RPL3L: variants seen among roughly 807,000 people sequenced by gnomAD.
RPL3L encodes ribosomal protein L3 like, also known as ribosomal protein uL3-like.
A neutral mutation model predicts 44.5 loss-of-function variants in RPL3L; 44 were observed. The observed-to-expected ratio is 0.99, with a 90% CI of 0.78 to 1.27. The LOEUF is 1.27. Ranked by LOEUF, RPL3L falls within the 50% of genes most tolerant of loss-of-function variation. The pLI is 0.00. For missense variants in RPL3L, 631 were observed against 569.1 expected, an observed-to-expected ratio of 1.11 and a Z score of -1.11; for synonymous variants, 292 against 230.7, an observed-to-expected ratio of 1.27 and a Z score of -2.41.
chr16:1,945,464 C>A (rs1458465343), intron 9 of RPL3L, 35 bp downstream of exon 9: 2 of 1,587,520 alleles, frequency 1.3e-6, no homozygotes, highest in Admixed American at 1.8e-5. Context: ...AGCTGGAGCC[C>A]CAGAGAAGAA....
Position 1,953,847 on chromosome 16 carries a change from G to A in RPL3L, c.196+109C>T, listed in dbSNP as rs2083188384. 15 of 1,158,412 alleles carry A rather than the reference G, an allele frequency of 1.3e-5. 1 individual carries two copies. In the South Asian group the frequency reaches 3.7e-4, roughly 28 times the overall value. The allele number at this position is 1,158,412 out of a possible 1,614,324, so 71.8% of individuals were successfully genotyped here. On this transcript the variant is annotated intron_variant, in intron 2 of 9. Coordinates refer to ENST00000268661, the MANE Select transcript of RPL3L (RefSeq NM_005061.3). Reference sequence around the variant, plus strand: ...CCCCAATTCCCGGGGGCGAGGCCTGGTGCTCCCTGGGACTGTGGCCCTGTC... The same window carrying A: ...CCCCAATTCCCGGGGGCGAGGCCTGATGCTCCCTGGGACTGTGGCCCTGTC...
chr16:1,945,113 T>C (rs1014371531), intron 9 of RPL3L, among the ~76,000 whole-genome samples: 5 of 151,916 alleles, frequency 3.3e-5, no homozygotes, highest in African/African-American at 1.2e-4. Context: ...CCCAGCACTT[T>C]GGGAGGCCGA....
rs769048995 is a variant in RPL3L at position 1,954,151 on chromosome 16, G to C, written c.4-3C>G. On this transcript the variant is annotated splice_region_variant and splice_polypyrimidine_tract_variant and intron_variant, in intron 1 of 9. Coordinates refer to ENST00000268661, the MANE Select transcript of RPL3L (RefSeq NM_005061.3). ...GGGGCGGAAAACTTCCGGTGGGACT[G>C]GGGGGCAGGAAGGAAGGAGGTCAGA... 1.9e-6 allele frequency: 3 copies of C among 1,569,050 alleles called. No homozygotes were observed. Among genetic ancestry groups the C allele is most frequent in the African/African-American group, 1.3e-5 (1 of 74,332 alleles).
rs745568614 is a variant in RPL3L at position 1,945,534 on chromosome 16, G to A, written c.1132C>T (p.Arg378Cys). 2.7e-5 allele frequency: 44 copies of A among 1,613,578 alleles called. No individual in the cohort carries two copies. In the East Asian group the frequency reaches 8.5e-4, roughly 31 times the overall value. ...CTCTTCTCTTGGGCTGTCTGGAAGC[G>A]GCCATGGCCGAACTTGGAGGTGGTG... Reference protein sequence around the residue: ...IDTTSKFGHGRFQTAQEKRAF... With the variant: ...IDTTSKFGHGCFQTAQEKRAF... Residue 378 changes from arginine to cysteine, a missense_variant, in exon 9 of 10, where the codon CGC (arginine) becomes TGC (cysteine). Coordinates refer to ENST00000268661, the MANE Select transcript of RPL3L (RefSeq NM_005061.3).
intron 3 of RPL3L, among the ~76,000 whole-genome samples, chr16:1,951,620 G>A (rs1057382540): frequency 2.0e-5 from 3 of 151,846 alleles, no homozygotes; most frequent in Non-Finnish European, 2.9e-5. Context: ...GAGCTCAAAC[G>A]GTCTGCCTGC....
In RPL3L at chr16:1,952,864, C is replaced by T. The variant is rs777955426; in HGVS notation, c.365+10G>A. On this transcript the variant is annotated intron_variant, in intron 3 of 9. Transcript: ENST00000268661. The stretch of plus-strand genomic sequence containing the variant: ...AGCCCTTGGACGGCCCAGCCAAGGG[C>T]GGTGCTCACCAGTCCTTGTAGAATC... 45 of 1,613,240 alleles carry T rather than the reference C, an allele frequency of 2.8e-5. No individual in the cohort carries two copies. The highest frequency in any genetic ancestry group is 4.4e-5 in the South Asian group (4 of 91,084).
chr16:1,950,185 G>T (rs988849807), intron 4 of RPL3L, among the ~76,000 whole-genome samples: 1 of 151,356 alleles, frequency 6.6e-6, no homozygotes, highest in Non-Finnish European at 1.5e-5. Context: ...GGGTATGTAT[G>T]GGGCGGGTAT....
In RPL3L at chr16:1,952,857, C is replaced by A; in HGVS notation, c.365+17G>T. On this transcript the variant is annotated intron_variant, in intron 3 of 9. Coordinates refer to ENST00000268661, the MANE Select transcript of RPL3L (RefSeq NM_005061.3). Reference sequence around the variant, plus strand: ...TCCCAGCAGCCCTTGGACGGCCCAGCCAAGGGCGGTGCTCACCAGTCCTTG... The same window carrying A: ...TCCCAGCAGCCCTTGGACGGCCCAGACAAGGGCGGTGCTCACCAGTCCTTG... The A allele has an allele frequency of 6.2e-7, 1 of 1,613,030 alleles. No individual in the cohort carries two copies. Among genetic ancestry groups the A allele is most frequent in the Non-Finnish European group, 8.5e-7 (1 of 1,179,882 alleles).
At chr16:1,946,515 G>C (rs535778455) in intron 7 of RPL3L, 110 bp downstream of exon 7, 5 of 1,139,266 alleles carry the variant, frequency 4.4e-6, no homozygotes, top group Non-Finnish European at 5.0e-6. Context: ...GTCCAGCTGA[G>C]GCTGGGGCAT....
chr16:1,945,486 G>A lies in RPL3L; in HGVS notation c.1167+13C>T, dbSNP rs755027723. 9 of 1,603,758 alleles carry A rather than the reference G, an allele frequency of 5.6e-6. No individual in the cohort carries two copies. Among genetic ancestry groups the A allele is most frequent in the South Asian group, 5.6e-5 (5 of 89,596 alleles). On this transcript the variant is annotated intron_variant, in intron 9 of 9. Coordinates refer to ENST00000268661, the MANE Select transcript of RPL3L (RefSeq NM_005061.3). ...GCCCCAGAGAAGAACAAGGATGGGG[G>A]CGGTGAGCTCACCATGAAGGCCCTC...
intron 3 of RPL3L, 69 bp from the exon 4 acceptor site, chr16:1,951,048 C>G: frequency 1.3e-6 from 2 of 1,566,538 alleles, no homozygotes; most frequent in African/African-American, 2.7e-5. Flanking sequence ...ATCCTGCCCC[C>G]ACCTCACCCC....
At chr16:1,945,380 AG>A in intron 9 of RPL3L, 118 bp downstream of exon 9, 1 of 1,005,884 alleles carries the variant, frequency 9.9e-7, no homozygotes, top group Non-Finnish European at 1.4e-6. Context: ...TAAAAAAAAA[AG>A]AGTCTCTCCT....
rs2083107774 is a variant in RPL3L at position 1,944,780 on chromosome 16, GTTAGACA to G, written c.*50_*56del. ...GCAGGAAGAGTCGCCTCCGGCCTTT[GTTAGACA>G]TTGGGGCAGACAGTGCGGTGCGCTT... is the stretch of plus-strand genomic sequence containing the variant. On this transcript the variant is annotated 3_prime_UTR_variant, in exon 10 of 10. Coordinates refer to ENST00000268661, the MANE Select transcript of RPL3L (RefSeq NM_005061.3). 1 of 1,610,530 alleles carries G rather than the reference GTTAGACA, an allele frequency of 6.2e-7. No individual in the cohort carries two copies. The highest frequency in any genetic ancestry group is 1.7e-5 in the Admixed American group (1 of 60,022).
intron 4 of RPL3L, among the ~76,000 whole-genome samples, 161 bp from the exon 5 acceptor site, chr16:1,947,541 G>A (rs900237837): frequency 3.3e-5 from 5 of 152,220 alleles, no homozygotes; most frequent in African/African-American, 9.7e-5. Context: ...TAGGCACTGC[G>A]GATCCGGTGC....
Position 1,952,965 on chromosome 16 carries a change from AGCCCACCAC to A in RPL3L, c.265_273del (p.Val89_Gly91del), listed in dbSNP as rs2083181280. The A allele has an allele frequency of 6.2e-7, 1 of 1,613,700 alleles. No individual in the cohort carries two copies. The highest frequency in any genetic ancestry group is 8.5e-7 in the Non-Finnish European group (1 of 1,179,890). On this transcript the variant is annotated inframe_deletion, in exon 3 of 10. Transcript: ENST00000268661. ...CGGAGACCTCGAGGGGTGGCCACGT[AGCCCACCAC>A]GCCCACCACCACTAGGGGCGGCGTT... is the stretch of plus-strand genomic sequence containing the variant.
chr16:1,946,459 G>C lies in RPL3L; in HGVS notation c.951+166C>G, dbSNP rs906834097. Among the ~76,000 whole-genome samples the C allele has an allele frequency of 4.6e-5, 7 of 152,272 alleles. No homozygotes were observed. In the South Asian group the frequency reaches 1.4e-3, roughly 32 times the overall value. ...TCTGTCCAGTGTGCCTGGCGGGGCA[G>C]CGTCCAGCTGTGGGGCAAAAATCTT... On this transcript the variant is annotated intron_variant, in intron 7 of 9. Transcript: ENST00000268661.
chr16:1,944,732 G>T lies in RPL3L; in HGVS notation c.*105C>A. 6.8e-7 allele frequency: 1 copy of T among 1,476,690 alleles called. No individual in the cohort carries two copies. The highest frequency in any genetic ancestry group is 9.5e-7 in the Non-Finnish European group (1 of 1,057,610). The allele number at this position is 1,476,690 out of a possible 1,614,324, so 91.5% of individuals were successfully genotyped here. ...GCAGGCAAGGTGAACCCCTTGGGCG[G>T]TTACACAGCGCTCTGAGACCTCGCA... On this transcript the variant is annotated 3_prime_UTR_variant, in exon 10 of 10. Transcript: ENST00000268661.
chr16:1,949,156 A>C (rs528278004), intron 4 of RPL3L, among the ~76,000 whole-genome samples: 1 of 148,420 alleles, frequency 6.7e-6, no homozygotes, highest in African/African-American at 2.5e-5. Context: ...TTTTTTGTAG[A>C]GATGAGGTCT....
intron 2 of RPL3L, among the ~76,000 whole-genome samples, chr16:1,953,657 G>A (rs2083186748): frequency 6.6e-6 from 1 of 152,252 alleles, no homozygotes; most frequent in African/African-American, 2.4e-5. Context: ...CTGGCAGGTG[G>A]TTTGAACCGA....
Sources: gnomAD v4.1 joint callset for allele counts (sites outside exome capture counted in the v4.1 genomes callset) on GRCh38, gnomAD v4.1.1 for gene constraint, MANE v1.5 for transcripts, NCBI Gene and HGNC (gene_info 2026-07-23, HGNC 2026-07-21) for gene names.